Variants in USP25 observed in about 807,000 individuals in gnomAD.
USP25 encodes ubiquitin carboxyl-terminal hydrolase 25.
In USP25, 85 loss-of-function variants were observed where a neutral mutation model predicts 158.5. The ratio of observed to expected loss-of-function variants is 0.54; its 90% CI spans 0.45 to 0.64. The LOEUF (loss-of-function observed/expected upper bound fraction) is 0.64. Ranked by LOEUF, USP25 falls within the 30% of genes least tolerant of loss-of-function variation. USP25 has a pLI of 0.00. For missense variants in USP25, 1,242 were observed against 1,327.3 expected (o/e 0.94, Z 1.00); for synonymous variants, 464 against 460.4 (o/e 1.01, Z -0.10).
intron 1 of USP25, among the ~76,000 whole-genome samples, chr21:15,735,980 G>GTGTT (rs1407021615): frequency 2.1e-5 from 3 of 142,488 alleles, no homozygotes; most frequent in African/African-American, 8.8e-5. Context: ...GTGTGTGTGT[G>GTGTT]TATGTGTGTG....
At chr21:15,744,340 T>A (rs2032339711) in intron 1 of USP25, 1 of 152,188 alleles carries the variant, frequency 6.6e-6, no homozygotes, top group Non-Finnish European at 1.5e-5. Flanking sequence ...TTGTTGTTAT[T>A]TTTGAGACAA....
chr21:15,738,050 A>G (rs1247600805), intron 1 of USP25, among the ~76,000 whole-genome samples: 1 of 152,158 alleles, frequency 6.6e-6, no homozygotes, highest in Non-Finnish European at 1.5e-5. Context: ...ATGATTTTAA[A>G]AAGTTCTTTT....
At chr21:15,818,929 G>T (rs1005284136) in intron 10 of USP25, 83 bp downstream of exon 10, 2 of 1,420,004 alleles carry the variant, frequency 1.4e-6, no homozygotes, top group African/African-American at 2.9e-5. Flanking sequence ...TCTAATTATA[G>T]AGCTACCTAA....
intron 5 of USP25, among the ~76,000 whole-genome samples, chr21:15,796,247 A>G (rs1332994134): frequency 6.6e-6 from 1 of 151,346 alleles, no homozygotes; most frequent in East Asian, 1.9e-4. Context: ...GACTTGAAAA[A>G]CTTAATTTTT....
chr21:15,763,096 T>C (rs964344963), intron 2 of USP25, 128 bp downstream of exon 2: 4 of 812,144 alleles, frequency 4.9e-6, no homozygotes, highest in Non-Finnish European at 7.2e-6. Flanking sequence ...GAATGGACTT[T>C]GTAAAGTAAA....
At chr21:15,844,015 A>G (rs1157973867) in intron 18 of USP25, among the ~76,000 whole-genome samples, 1 of 152,196 alleles carries the variant, frequency 6.6e-6, no homozygotes, top group East Asian at 1.9e-4. Context: ...TCGTCTTATA[A>G]GGTAGCAACC....
chr21:15,844,216 C>T (rs867047415), intron 18 of USP25, among the ~76,000 whole-genome samples: 3 of 152,216 alleles, frequency 2.0e-5, no homozygotes, highest in East Asian at 1.9e-4. Flanking sequence ...AGTTGCTTAG[C>T]GTCATGGTAA....
At chr21:15,757,159 G>GA (rs1313786034) in intron 1 of USP25, among the ~76,000 whole-genome samples, 1 of 152,076 alleles carries the variant, frequency 6.6e-6, no homozygotes, top group African/African-American at 2.4e-5. Flanking sequence ...TCAAATACAG[G>GA]AAAAACACAA....
intron 10 of USP25, among the ~76,000 whole-genome samples, chr21:15,821,140 G>A (rs1232113798): frequency 1.3e-5 from 2 of 151,906 alleles, no homozygotes; most frequent in Non-Finnish European, 2.9e-5. Context: ...ACTACTACCA[G>A]TGTGTGCTGT....
intron 1 of USP25, among the ~76,000 whole-genome samples, chr21:15,754,925 T>C (rs1365080153): frequency 1.3e-5 from 2 of 152,106 alleles, no homozygotes; most frequent in East Asian, 3.8e-4. Flanking sequence ...TCTTGGACAG[T>C]GAGTATTAGA....
chr21:15,827,759 C>CGTGT (rs562407759), intron 14 of USP25, among the ~76,000 whole-genome samples: 2 of 102,626 alleles, frequency 1.9e-5, no homozygotes, highest in South Asian at 3.5e-4. Context: ...CACTTGTGTG[C>CGTGT]GTGTGCGTGT....
chr21:15,779,330 A>G (rs1379006826), intron 4 of USP25, among the ~76,000 whole-genome samples: 1 of 152,068 alleles, frequency 6.6e-6, no homozygotes, highest in Non-Finnish European at 1.5e-5. Flanking sequence ...ATGAAACAAC[A>G]ATACTTAAAC....
At chr21:15,873,084 A>G (rs1319385449) in intron 23 of USP25, among the ~76,000 whole-genome samples, 1 of 151,944 alleles carries the variant, frequency 6.6e-6, no homozygotes, top group Non-Finnish European at 1.5e-5. Context: ...GTAATTCTTT[A>G]TTAAATATTT....
At chr21:15,735,636 C>T (rs2123165971) in intron 1 of USP25, among the ~76,000 whole-genome samples, 1 of 152,198 alleles carries the variant, frequency 6.6e-6, no homozygotes, top group African/African-American at 2.4e-5. Context: ...GATTAGAAGG[C>T]TTTCTGTGTT....
Position 15,877,937 on chromosome 21 carries a change from G to A in USP25, c.3151G>A (p.Ala1051Thr). ...TGAAATGGAAGAAAAGGATATACTA[G>A]CTGTAGAAGATATGAGAAATCGATG... is the stretch of plus-strand genomic sequence containing the variant. ...VDEMEEKDIL[A>T]VEDMRNRWCS... is the part of the protein sequence containing the mutation. Residue 1051 changes from alanine to threonine, a missense_variant, in exon 25 of 26, where the codon GCT becomes ACT. Ala to Thr is a moderately conservative substitution (Grantham distance 58). Coordinates refer to ENST00000400183, the MANE Select transcript of USP25 (RefSeq NM_001283041.3). 6.2e-7 allele frequency: 1 copy of A among 1,613,372 alleles called. No homozygotes were observed. Among genetic ancestry groups the A allele is most frequent in the Non-Finnish European group, 8.5e-7 (1 of 1,179,718 alleles).
At chr21:15,784,885 T>C (rs578204733) in intron 4 of USP25, among the ~76,000 whole-genome samples, 1 of 151,754 alleles carries the variant, frequency 6.6e-6, no homozygotes, top group Non-Finnish European at 1.5e-5. Flanking sequence ...CAAACTAGCA[T>C]GAGTAAATTA....
intron 22 of USP25, among the ~76,000 whole-genome samples, chr21:15,869,100 T>TAACTGG (rs1473624964): frequency 6.6e-6 from 1 of 151,976 alleles, no homozygotes; most frequent in African/African-American, 2.4e-5. Context: ...ATTAAGTAAT[T>TAACTGG]AACTGGAACT....
intron 18 of USP25, among the ~76,000 whole-genome samples, chr21:15,846,132 A>G (rs376906203): frequency 0.14 from 6,713 of 47,242 alleles, 467 homozygotes; most frequent in East Asian, 0.18. Flanking sequence ...GTATATATAT[A>G]TATATATATA....
chr21:15,808,855 A>T lies in USP25; in HGVS notation c.827A>T (p.Asp276Val). The T allele has an allele frequency of 6.2e-7, 1 of 1,611,582 alleles. No individual in the cohort carries two copies. Among genetic ancestry groups the T allele is most frequent in the South Asian group, 1.1e-5 (1 of 90,434 alleles). ...FTHKLLDWLE[D>V]AFQMKAEEET... ...CACAAATTATTAGATTGGTTAGAAG[A>T]TGCCTTCCAAATGAAAGCTGAAGAG... Residue 276 changes from aspartate to valine, a missense_variant, in exon 8 of 26, where the codon GAT becomes GTT. Asp to Val is a radical substitution (Grantham distance 152). Transcript: ENST00000400183.
Sources: allele counts gnomAD v4.1 joint callset (sites outside exome capture counted in the v4.1 genomes callset), GRCh38; gene constraint gnomAD v4.1.1; transcripts MANE v1.5; gene names NCBI Gene and HGNC (gene_info 2026-07-23, HGNC 2026-07-21).